The following USP6NL variants were observed in gnomAD, a reference collection of about 807,000 sequenced individuals.
USP6NL encodes the protein USP6 N-terminal-like protein.
A neutral mutation model predicts 61.9 loss-of-function variants in USP6NL; 26 were observed. That is an observed-to-expected ratio of 0.42 (90% CI 0.31 to 0.58). The LOEUF is 0.58. Ranked by LOEUF, USP6NL falls within the 20% of genes least tolerant of loss-of-function variation. USP6NL has a pLI of 0.16. For synonymous variants in USP6NL, 432 were observed against 390.1 expected (o/e 1.11, Z -1.27); for missense variants, 1,114 against 1,034.3 (o/e 1.08, Z -1.06).
At position 11,463,084 on chromosome 10, in the gene USP6NL, T is replaced by C. The variant is rs1195479233; in HGVS notation, c.1844A>G (p.Tyr615Cys). Reference sequence around the variant, plus strand: ...GGCTTCCCCATCTAGCTGGGACGGATATCGTGCATGACTTGGAGGCTGTAC... The same window carrying C: ...GGCTTCCCCATCTAGCTGGGACGGACATCGTGCATGACTTGGAGGCTGTAC... ...FKVQPPSHAR[Y>C]PSQLDGEARG... The change falls in exon 15 of 15, where the codon TAT becomes TGT. Residue 615 changes from tyrosine to cysteine, a missense_variant. Tyr to Cys is a radical substitution (Grantham distance 194). Coordinates refer to ENST00000609104, the MANE Select transcript of USP6NL (RefSeq NM_014688.5). The surrounding 1 kb of genome is among the most constrained non-coding windows in gnomAD (Gnocchi z 6.3). 4.3e-6 allele frequency: 7 copies of C among 1,614,000 alleles called. No individual in the cohort carries two copies. The highest frequency in any genetic ancestry group is 5.9e-6 in the Non-Finnish European group (7 of 1,179,886).
At chr10:11,599,668 C>T (rs1305058079) in intron 1 of USP6NL, among the ~76,000 whole-genome samples, 1 of 151,608 alleles carries the variant, frequency 6.6e-6, no homozygotes, top group African/African-American at 2.4e-5. Flanking sequence ...ACTGAAGTCA[C>T]GCGTTCAGGA....
rs1020049324 is a variant in USP6NL at position 11,602,686 on chromosome 10, C to T, written c.-83-4969G>A. On this transcript the variant is annotated intron_variant, in intron 1 of 14. Transcript: ENST00000609104. The surrounding 1 kb of genome is among the most constrained non-coding windows in gnomAD (Gnocchi z 4.8). Reference sequence around the variant, plus strand: ...AAATCAGACACGTTTTGAGCACTGACGTGACACTCAAAGGAAACGCTCATT... The same window carrying T: ...AAATCAGACACGTTTTGAGCACTGATGTGACACTCAAAGGAAACGCTCATT... Among the ~76,000 whole-genome samples, 10 of 152,244 alleles carry T rather than the reference C, an allele frequency of 6.6e-5. No individual in the cohort carries two copies. Among genetic ancestry groups the T allele is most frequent in the Admixed American group, 6.5e-4 (10 of 15,290 alleles).
chr10:11,586,475 A>G (rs1762462336), intron 2 of USP6NL, among the ~76,000 whole-genome samples: 1 of 152,096 alleles, frequency 6.6e-6, no homozygotes, highest in African/African-American at 2.4e-5. Flanking sequence ...AATTCTAACC[A>G]TGAAAACAAT....
chr10:11,560,262 G>C (rs1836873628), intron 2 of USP6NL, among the ~76,000 whole-genome samples: 1 of 151,954 alleles, frequency 6.6e-6, no homozygotes, highest in Non-Finnish European at 1.5e-5. Context: ...GTGCCACCTA[G>C]GCAATTATAA....
rs921732292 is a variant in USP6NL at position 11,511,864 on chromosome 10, A to G, written c.196-2189T>C. On this transcript the variant is annotated intron_variant, in intron 5 of 14. Transcript: ENST00000609104. This position sits in a 1 kb window ranked among gnomAD's most constrained non-coding sequence, Gnocchi z 4.9. ...ACACACACACACCCCTTGGGAAGCT[A>G]TAGGATCCGAAAATTATGTATCAGT... Among the ~76,000 whole-genome samples the G allele has an allele frequency of 1.2e-4, 18 of 152,030 alleles. No homozygotes were observed. Among genetic ancestry groups the G allele is most frequent in the African/African-American group, 4.3e-4 (18 of 41,500 alleles).
Position 11,562,303 on chromosome 10 carries a change from A to G in USP6NL, c.5-34736T>C. On this transcript the variant is annotated intron_variant, in intron 2 of 14. Coordinates refer to ENST00000609104, the MANE Select transcript of USP6NL (RefSeq NM_014688.5). This position sits in a 1 kb window ranked among gnomAD's most constrained non-coding sequence, Gnocchi z 4.8. ...AATTGCATTCCCAGGACCCCCCTGC[A>G]GCTAGCAGCAGCCATGTGACACAGT... 1.2e-6 allele frequency: 1 copy of G among 805,070 alleles called. No homozygotes were observed. Among genetic ancestry groups the G allele is most frequent in the Non-Finnish European group, 1.5e-6 (1 of 665,264 alleles). The allele number at this position is 805,070 out of a possible 1,614,324, so 49.9% of individuals were successfully genotyped here.
At position 11,574,457 on chromosome 10, in the gene USP6NL, T is replaced by C. The variant is rs1029453704; in HGVS notation, c.4+23174A>G. 6.6e-6 allele frequency among the ~76,000 whole-genome samples: 1 copy of C among 152,220 alleles called. No individual in the cohort carries two copies. Among genetic ancestry groups the C allele is most frequent in the Non-Finnish European group, 1.5e-5 (1 of 68,034 alleles). On this transcript the variant is annotated intron_variant, in intron 2 of 14. Coordinates refer to ENST00000609104, the MANE Select transcript of USP6NL (RefSeq NM_014688.5). This position sits in a 1 kb window ranked among gnomAD's most constrained non-coding sequence, Gnocchi z 4.3. The stretch of plus-strand genomic sequence containing the variant: ...CAAAACAAGTATAACCACTGCTCCT[T>C]CCATATGATGTTTAACAGCCAAGTT...
rs368858192 is a variant in USP6NL, at chr10:11,555,597, T to C, written c.5-28030A>G. Among the ~76,000 whole-genome samples the C allele has an allele frequency of 4.1e-3, 613 of 150,578 alleles. 1 individual carries two copies. The highest frequency in any genetic ancestry group is 8.0e-3 in the South Asian group (38 of 4,774). On this transcript the variant is annotated intron_variant, in intron 2 of 14. Transcript: ENST00000609104. ...CAGTTAGAGTCCTAGAGAGGACAGATAGAATGGTACAGAAGCAGTTTCTAA... is the reference window on the plus strand; with the variant it reads ...CAGTTAGAGTCCTAGAGAGGACAGACAGAATGGTACAGAAGCAGTTTCTAA...
chr10:11,584,506 T>C (rs1049337152), intron 2 of USP6NL, among the ~76,000 whole-genome samples: 1 of 152,170 alleles, frequency 6.6e-6, no homozygotes, highest in Admixed American at 6.5e-5. Flanking sequence ...AATAGTACCT[T>C]AGGCCAAACT....
At chr10:11,594,451 C>T (rs1340984629) in intron 2 of USP6NL, among the ~76,000 whole-genome samples, 1 of 152,214 alleles carries the variant, frequency 6.6e-6, no homozygotes, top group Admixed American at 6.5e-5. Flanking sequence ...TAAGTTGCTT[C>T]TCTAACTGAA....
chr10:11,567,683 G>T (rs780566721), intron 2 of USP6NL, among the ~76,000 whole-genome samples: 1 of 152,184 alleles, frequency 6.6e-6, no homozygotes, highest in African/African-American at 2.4e-5. Context: ...CCATCTAAGA[G>T]ATCAGAAGAG....
intron 2 of USP6NL, among the ~76,000 whole-genome samples, chr10:11,582,163 G>A (rs1466448136): frequency 2.0e-5 from 3 of 152,130 alleles, no homozygotes; most frequent in Non-Finnish European, 4.4e-5. Context: ...ACGGGGTTTC[G>A]CCATGTTGGG....
rs1401293847 is a variant in USP6NL, at chr10:11,478,867, T to A, written c.1078+2903A>T. On this transcript the variant is annotated intron_variant, in intron 14 of 14. Coordinates refer to ENST00000609104, the MANE Select transcript of USP6NL (RefSeq NM_014688.5). The surrounding 1 kb of genome is among the most constrained non-coding windows in gnomAD (Gnocchi z 6.8). ...GCTGCACTGAGCCATGATTGAGCCA[T>A]CACACTCCAGCCTAGGCAACAGAGT... Among the ~76,000 whole-genome samples, 1 of 151,330 alleles carries A rather than the reference T, an allele frequency of 6.6e-6. No homozygotes were observed. The highest frequency in any genetic ancestry group is 1.5e-5 in the Non-Finnish European group (1 of 67,738).
intron 1 of USP6NL, among the ~76,000 whole-genome samples, chr10:11,605,807 G>A (rs1838688007): frequency 6.6e-6 from 1 of 151,994 alleles, no homozygotes; most frequent in South Asian, 2.1e-4. Flanking sequence ...GTAGCCTGAA[G>A]AAAATATTCA....
At chr10:11,506,417 G>A (rs1175392992) in intron 6 of USP6NL, among the ~76,000 whole-genome samples, 1 of 152,132 alleles carries the variant, frequency 6.6e-6, no homozygotes, top group East Asian at 1.9e-4. Context: ...TGAGGCAGGA[G>A]AATCATTTGA....
intron 4 of USP6NL, among the ~76,000 whole-genome samples, chr10:11,519,080 ATGT>A (rs1397083542): frequency 1.3e-5 from 2 of 150,556 alleles, no homozygotes; most frequent in Non-Finnish European, 2.9e-5. Context: ...GATAGCTCTG[ATGT>A]TGTAGTACAA....
In USP6NL at chr10:11,463,855, AAGAAAG is replaced by A. The variant is rs751326561; in HGVS notation, c.1079-12_1079-7del. 4 of 1,457,070 alleles carry A rather than the reference AAGAAAG, an allele frequency of 2.7e-6. No individual in the cohort carries two copies. In the Admixed American group the frequency reaches 1.1e-4, roughly 42 times the overall value. 90.3% of individuals were successfully genotyped at this position (1,457,070 alleles called of 1,614,324 possible). On this transcript the variant is annotated splice_polypyrimidine_tract_variant and splice_region_variant and intron_variant, in intron 14 of 14. Transcript: ENST00000609104. This position sits in a 1 kb window ranked among gnomAD's most constrained non-coding sequence, Gnocchi z 6.3. ...TGGATATTCATCCTCTTTACCTGAAAAGAAAGAGAAAGGCTAAGTAAGATAATACAC... is the reference window on the plus strand; with the variant it reads ...TGGATATTCATCCTCTTTACCTGAAAAGAAAGGCTAAGTAAGATAATACAC...
Position 11,489,369 on chromosome 10 carries a change from C to T in USP6NL, c.544-147G>A, listed in dbSNP as rs1171359077. On this transcript the variant is annotated intron_variant, in intron 9 of 14. Coordinates refer to ENST00000609104, the MANE Select transcript of USP6NL (RefSeq NM_014688.5). This position sits in a 1 kb window ranked among gnomAD's most constrained non-coding sequence, Gnocchi z 5.7. ...CTAGAGACAAATACTATACTCTTTA[C>T]AGTATTATGCCACATAAGAGAATAA... The T allele has an allele frequency of 3.0e-6, 3 of 985,210 alleles. No homozygotes were observed. The highest frequency in any genetic ancestry group is 4.2e-6 in the Non-Finnish European group (3 of 714,444). The allele number at this position is 985,210 out of a possible 1,614,324, so 61.0% of individuals were successfully genotyped here.
chr10:11,500,714 G>A (rs939967741), intron 7 of USP6NL, among the ~76,000 whole-genome samples: 1 of 151,992 alleles, frequency 6.6e-6, no homozygotes, highest in Non-Finnish European at 1.5e-5. Context: ...TTCTGCTGCT[G>A]TTTCCCACGA....
Sources: gnomAD v4.1 joint callset for allele counts (sites outside exome capture counted in the v4.1 genomes callset) on GRCh38, gnomAD v4.1.1 for gene constraint, Gnocchi (gnomAD v3.1) non-coding constraint, MANE v1.5 for transcripts, NCBI Gene and HGNC (gene_info 2026-07-23, HGNC 2026-07-21) for gene names.